Variants in ITGBL1 observed in about 807,000 individuals in gnomAD.
ITGBL1 encodes the protein integrin beta-like protein 1.
Under a neutral mutation model 68.5 loss-of-function variants are expected in ITGBL1, and 51 were observed. That is an observed-to-expected ratio of 0.74 (90% CI 0.59 to 0.94). The LOEUF is 0.94. ITGBL1 is among the 40% of genes least tolerant of loss of function. The probability of loss-of-function intolerance (pLI) is 0.00; values close to 1 mark genes in which losing one functional copy is unlikely to be tolerated. For synonymous variants in ITGBL1, 209 were observed against 227.3 expected (o/e 0.92, Z 0.72); for missense variants, 649 against 647.4 (o/e 1.00, Z -0.03).
chr13:101,654,708 A>T (rs2139461557), intron 7 of ITGBL1, among the ~76,000 whole-genome samples: 1 of 152,192 alleles, frequency 6.6e-6, no homozygotes, highest in Non-Finnish European at 1.5e-5. Flanking sequence ...TGAAAGTAAA[A>T]AGAGAAGTCT....
At chr13:101,715,163 C>T (rs1369054129) in intron 10 of ITGBL1, 3 of 171,818 alleles carry the variant, frequency 1.7e-5, no homozygotes, top group Non-Finnish European at 3.7e-5. Context: ...CCTTTGCTTT[C>T]TGCCCATCCT....
At chr13:101,692,788 T>C (rs963200182) in intron 8 of ITGBL1, 87 bp downstream of exon 8, 2 of 832,918 alleles carry the variant, frequency 2.4e-6, no homozygotes, top group South Asian at 1.4e-5. Flanking sequence ...GCTTTTTCAA[T>C]TGCTGTTAAA....
At chr13:101,574,285 CT>C (rs1192938381) in intron 3 of ITGBL1, among the ~76,000 whole-genome samples, 2 of 139,878 alleles carry the variant, frequency 1.4e-5, no homozygotes, top group African/African-American at 5.3e-5. Flanking sequence ...TTCACTTCCC[CT>C]TTTATTGCAG....
chr13:101,713,600 T>G lies in ITGBL1; in HGVS notation c.1280-838T>G, dbSNP rs187045532. ...TGAGGCAGTTTTTCCATGTAAGGGT[T>G]TTTAGTCTGTCATGGAAAGCTGTTT... is the stretch of plus-strand genomic sequence containing the variant. On this transcript the variant is annotated intron_variant, in intron 9 of 10. Transcript: ENST00000376180. The G allele has an allele frequency of 5.3e-4, 81 of 152,276 alleles. 1 individual carries two copies. The highest frequency in any genetic ancestry group is 1.8e-3 in the African/African-American group (76 of 41,558). 9.4% of individuals were successfully genotyped at this position (152,276 alleles called of 1,614,324 possible).
At chr13:101,461,735 C>G (rs560381734) in intron 2 of ITGBL1, among the ~76,000 whole-genome samples, 30 of 152,176 alleles carry the variant, frequency 2.0e-4, no homozygotes, top group African/African-American at 6.3e-4. Flanking sequence ...CAGAGAGCCC[C>G]GTTATCATTC....
At chr13:101,605,638 ATG>A (rs146546354) in intron 7 of ITGBL1, among the ~76,000 whole-genome samples, 31,941 of 151,390 alleles carry the variant, frequency 0.21, 4,020 homozygotes, top group East Asian at 0.45. Context: ...GTAGACATGT[ATG>A]TGTGTATGCG....
At chr13:101,686,556 A>G (rs986219339) in intron 7 of ITGBL1, among the ~76,000 whole-genome samples, 4 of 152,074 alleles carry the variant, frequency 2.6e-5, no homozygotes, top group Non-Finnish European at 4.4e-5. Context: ...TTAAAATGCT[A>G]TCCAAGAATA....
chr13:101,625,798 C>G (rs2031752447), intron 7 of ITGBL1, among the ~76,000 whole-genome samples: 1 of 152,152 alleles, frequency 6.6e-6, no homozygotes, highest in African/African-American at 2.4e-5. Context: ...AGGTGATCCA[C>G]CCACCTCGGC....
intron 2 of ITGBL1, among the ~76,000 whole-genome samples, chr13:101,561,930 T>C (rs1318609745): frequency 2.0e-5 from 3 of 152,218 alleles, no homozygotes; most frequent in Non-Finnish European, 4.4e-5. Flanking sequence ...AATAGCATTA[T>C]AGTTTTATTT....
At chr13:101,555,762 T>TA (rs1809962301) in intron 2 of ITGBL1, among the ~76,000 whole-genome samples, 1 of 152,124 alleles carries the variant, frequency 6.6e-6, no homozygotes, top group Non-Finnish European at 1.5e-5. Context: ...CTGGCTCCAA[T>TA]TGGTTTTGAA....
intron 6 of ITGBL1, among the ~76,000 whole-genome samples, chr13:101,584,797 A>ATG (rs989406848): frequency 5.3e-5 from 8 of 152,042 alleles, no homozygotes; most frequent in South Asian, 2.1e-4. Context: ...CAAAGAGATG[A>ATG]TGAGAATAGT....
chr13:101,664,795 A>G (rs1594965024), intron 7 of ITGBL1, among the ~76,000 whole-genome samples: 1 of 152,186 alleles, frequency 6.6e-6, no homozygotes, highest in East Asian at 1.9e-4. Context: ...GTGCAATGGC[A>G]TCATCTCAGC....
chr13:101,454,116 T>C lies in ITGBL1; in HGVS notation c.316+16T>C. The C allele has an allele frequency of 6.6e-7, 1 of 1,513,258 alleles. No individual in the cohort carries two copies. Among genetic ancestry groups the C allele is most frequent in the East Asian group, 2.6e-5 (1 of 38,814 alleles). 93.7% of individuals were successfully genotyped at this position (1,513,258 alleles called of 1,614,324 possible). ...ACCTGTGCAGGTAAGAGGGCGGCGC[T>C]GTCTCCTCCCTCGGGAGGTCGAAAC... On this transcript the variant is annotated intron_variant, in intron 2 of 10. Coordinates refer to ENST00000376180, the MANE Select transcript of ITGBL1 (RefSeq NM_004791.3).
intron 2 of ITGBL1, among the ~76,000 whole-genome samples, chr13:101,493,640 G>A (rs149248502): frequency 6.6e-6 from 1 of 152,216 alleles, no homozygotes; most frequent in East Asian, 1.9e-4. Context: ...TTCCACATCT[G>A]TCCTCCCATT....
intron 2 of ITGBL1, among the ~76,000 whole-genome samples, chr13:101,504,348 A>G (rs533733260): frequency 2.4e-4 from 36 of 152,162 alleles, no homozygotes; most frequent in Admixed American, 1.3e-3. Flanking sequence ...GAAAATGACA[A>G]TCTGACACCC....
chr13:101,694,778 C>T (rs2033965695), intron 8 of ITGBL1, among the ~76,000 whole-genome samples: 1 of 152,136 alleles, frequency 6.6e-6, no homozygotes, highest in Admixed American at 6.6e-5. Context: ...TAATCTCAGT[C>T]TCTTCCACTT....
chr13:101,504,330 A>G (rs2048991542), intron 2 of ITGBL1, among the ~76,000 whole-genome samples: 1 of 98,304 alleles, frequency 1.0e-5, no homozygotes, highest in Non-Finnish European at 2.4e-5. Flanking sequence ...CGATCCAGCA[A>G]AGAACCTGAA....
At chr13:101,576,719 T>G (rs1254688503) in intron 4 of ITGBL1, among the ~76,000 whole-genome samples, 1 of 152,162 alleles carries the variant, frequency 6.6e-6, no homozygotes, top group Non-Finnish European at 1.5e-5. Context: ...ACACTTATTT[T>G]AGGCCTGATT....
chr13:101,671,967 A>G (rs2033389608), intron 7 of ITGBL1, among the ~76,000 whole-genome samples: 1 of 152,206 alleles, frequency 6.6e-6, no homozygotes, highest in African/African-American at 2.4e-5. Flanking sequence ...TATAGGTACT[A>G]CAGACAAAAC....
Sources: allele counts gnomAD v4.1 joint callset (sites outside exome capture counted in the v4.1 genomes callset), GRCh38; gene constraint gnomAD v4.1.1; transcripts MANE v1.5; gene names NCBI Gene and HGNC (gene_info 2026-07-23, HGNC 2026-07-21).